The following KCNAB3 variants were observed in gnomAD, a reference collection of about 807,000 sequenced individuals.
KCNAB3 encodes the protein voltage-gated potassium channel subunit beta-3.
In KCNAB3, 62 loss-of-function variants were observed where a neutral mutation model predicts 67.7. That is an observed-to-expected ratio of 0.92 (90% CI 0.75 to 1.13). The LOEUF is 1.13. KCNAB3 is among the 50% of genes most tolerant of loss of function. The probability of loss-of-function intolerance (pLI) is 0.00; values close to 1 mark genes in which losing one functional copy is unlikely to be tolerated. For missense variants in KCNAB3, 514 were observed against 522.9 expected (o/e 0.98, Z 0.17); for synonymous variants, 212 against 205.4 (o/e 1.03, Z -0.27).
At chr17:7,928,053 A>C in intron 1 of KCNAB3, 1 of 606,168 alleles carries the variant, frequency 1.6e-6, no homozygotes, top group Non-Finnish European at 2.9e-6. Context: ...CTCTGGAGCC[A>C]CTGTCCAGAG....
In KCNAB3 at chr17:7,924,040, G is replaced by A. The variant is rs749016898; in HGVS notation, c.855C>T (p.Tyr285=). ...HKIGVGSVTW[Y]PLACGLITSK... is the part of the protein sequence containing the mutation. ...TAGTAATGAGACCACAGGCTAGAGGGTACCAAGTGACTGATCCAACTCCTA... is the reference window on the plus strand; with the variant it reads ...TAGTAATGAGACCACAGGCTAGAGGATACCAAGTGACTGATCCAACTCCTA... Residue 285 remains tyrosine (Y), a synonymous_variant, in exon 11 of 14, where the codon TAC becomes TAT. Transcript: ENST00000303790. The A allele has an allele frequency of 3.1e-6, 5 of 1,614,072 alleles. No homozygotes were observed. The South Asian group carries it at 5.5e-5, about 18-fold the overall frequency.
intron 6 of KCNAB3, 89 bp from the exon 7 acceptor site, chr17:7,925,815 G>T: frequency 6.3e-7 from 1 of 1,592,622 alleles, no homozygotes; most frequent in Non-Finnish European, 8.6e-7. Context: ...GATTGCACGA[G>T]TCTTCACAGG....
intron 1 of KCNAB3, 91 bp from the exon 2 acceptor site, chr17:7,927,917 G>A (rs1972290437): frequency 2.0e-6 from 3 of 1,479,640 alleles, no homozygotes; most frequent in East Asian, 4.5e-5. Context: ...AGACTGAGAA[G>A]CCCTCAGGTG....
At chr17:7,927,227 G>A in intron 4 of KCNAB3, 117 bp downstream of exon 4, 3 of 971,132 alleles carry the variant, frequency 3.1e-6, no homozygotes, top group Non-Finnish European at 4.9e-6. Context: ...CCGCCAAAAG[G>A]TTGGAACTTC....
At position 7,923,107 on chromosome 17, in the gene KCNAB3, T is replaced by A. The variant is rs1220094501; in HGVS notation, c.1210A>T (p.Lys404Ter). The A allele has an allele frequency of 3.7e-6, 6 of 1,613,946 alleles. No homozygotes were observed. In the Admixed American group the frequency reaches 5.0e-5, roughly 13 times the overall value. Residue 404 changes from lysine (K) to a stop codon, truncating the protein, a stop_gained, in exon 14 of 14, where the codon AAG becomes TAG. Transcript: ENST00000303790. LOFTEE classifies it high-confidence loss of function. The part of the protein sequence containing the change: ...GLLGNKPHSK[K>*] Reference sequence around the variant, plus strand: ...GTCCCTGCGCCCGCGACAGACTACTTCTTGGAATGCGGCTTGTTTCCCAGG... The same window carrying A: ...GTCCCTGCGCCCGCGACAGACTACTACTTGGAATGCGGCTTGTTTCCCAGG...
At position 7,924,159 on chromosome 17, in the gene KCNAB3, A is replaced by C. The variant is rs1278198918; in HGVS notation, c.818T>G (p.Leu273Arg). ...REKVEMQLPELYHKIGVGSVT... is the reference protein window; with the variant it reads ...REKVEMQLPERYHKIGVGSVT... ...GGGCTGCAAACCAATCTTGTGGTAG[A>C]GCTCTGGCAGCTGCATCTCCACCTT... Residue 273 changes from leucine to arginine, a missense_variant, in exon 10 of 14, where the codon CTC becomes CGC. Coordinates refer to ENST00000303790, the MANE Select transcript of KCNAB3 (RefSeq NM_004732.4). The C allele has an allele frequency of 6.2e-7, 1 of 1,614,168 alleles. No individual in the cohort carries two copies. Among genetic ancestry groups the C allele is most frequent in the South Asian group, 1.1e-5 (1 of 91,086 alleles).
In KCNAB3 at chr17:7,923,038, CTGCGAGGAGCGGGGCTCGGGCGGG is replaced by C; in HGVS notation, c.*40_*63del. On this transcript the variant is annotated 3_prime_UTR_variant, in exon 14 of 14. Transcript: ENST00000303790. ...GAGGGATCCGGAGCGGGAGAGGCGG[CTGCGAGGAGCGGGGCTCGGGCGGG>C]TGCAGCGACACCGGGTTGGGTCCCT... 6.7e-7 allele frequency: 1 copy of C among 1,494,952 alleles called. No homozygotes were observed. Among genetic ancestry groups the C allele is most frequent in the South Asian group, 1.1e-5 (1 of 88,556 alleles). 92.6% of individuals were successfully genotyped at this position (1,494,952 alleles called of 1,614,324 possible).
chr17:7,927,029 G>A (rs1389332650), intron 4 of KCNAB3: 2 of 333,304 alleles, frequency 6.0e-6, no homozygotes, highest in African/African-American at 4.2e-5. Context: ...GTCATCCTAG[G>A]TTTTCCCTGC....
intron 4 of KCNAB3, 66 bp from the exon 5 acceptor site, chr17:7,926,169 C>T: frequency 6.3e-7 from 1 of 1,576,768 alleles, no homozygotes; most frequent in South Asian, 1.1e-5. Flanking sequence ...CTCTCCTCCC[C>T]ACCTTTTCCT....
intron 4 of KCNAB3, 80 bp downstream of exon 4, chr17:7,927,264 T>C: frequency 7.4e-7 from 1 of 1,344,522 alleles, no homozygotes; most frequent in Non-Finnish European, 1.1e-6. Context: ...CAGGGTTCTT[T>C]AGAGGGAAAA....
chr17:7,925,205 G>T, intron 7 of KCNAB3, 22 bp from the exon 8 acceptor site: 1 of 1,594,914 alleles, frequency 6.3e-7, no homozygotes. Context: ...GTAGGGAGAA[G>T]AAAATAAGCA....
intron 12 of KCNAB3, 50 bp downstream of exon 12, chr17:7,923,661 T>G (rs553698268): frequency 1.3e-6 from 2 of 1,552,204 alleles, no homozygotes; most frequent in African/African-American, 2.7e-5. Flanking sequence ...AGGATGGGCT[T>G]GGGAGCATGT....
chr17:7,929,823 G>T lies in KCNAB3; in HGVS notation c.-388C>A. 7 of 1,012,428 alleles carry T rather than the reference G, an allele frequency of 6.9e-6. No individual in the cohort carries two copies. Among genetic ancestry groups the T allele is most frequent in the South Asian group, 4.0e-5 (1 of 25,142 alleles). 62.7% of individuals were successfully genotyped at this position (1,012,428 alleles called of 1,614,324 possible). On this transcript the variant is annotated 5_prime_UTR_variant, in exon 1 of 14. Transcript: ENST00000303790. This position sits in a 1 kb window ranked among gnomAD's most constrained non-coding sequence, Gnocchi z 5.7. Reference sequence around the variant, plus strand: ...AGCGCGAACCGCTGCGGGACCCGCTGGGCTCCCAGCCGCGTCGGCAGCGGG... The same window carrying T: ...AGCGCGAACCGCTGCGGGACCCGCTTGGCTCCCAGCCGCGTCGGCAGCGGG...
At position 7,924,410 on chromosome 17, in the gene KCNAB3, C is replaced by T. The variant is rs778918865; in HGVS notation, c.711+5G>A. ...GACAGGGGCAAGGTGGGGTCACACA[C>T]TCACCATGATTTCTGCAGCCCCCCA... On this transcript the variant is annotated splice_donor_5th_base_variant and intron_variant, in intron 9 of 13. Transcript: ENST00000303790. 1 of 1,613,258 alleles carries T rather than the reference C, an allele frequency of 6.2e-7. No individual in the cohort carries two copies. The highest frequency in any genetic ancestry group is 2.2e-5 in the East Asian group (1 of 44,880).
rs138210337 is a variant in KCNAB3, at chr17:7,923,338, C to G, written c.1137+118G>C. Reference sequence around the variant, plus strand: ...CGCTTTCCGGCCCTGGGACCTCTCACCTGCAAAGTGAGGACTTTGTAGTGG... The same window carrying G: ...CGCTTTCCGGCCCTGGGACCTCTCAGCTGCAAAGTGAGGACTTTGTAGTGG... On this transcript the variant is annotated intron_variant, in intron 13 of 13. Coordinates refer to ENST00000303790, the MANE Select transcript of KCNAB3 (RefSeq NM_004732.4). 8 of 1,270,634 alleles carry G rather than the reference C, an allele frequency of 6.3e-6. No individual in the cohort carries two copies. In the East Asian group the frequency reaches 2.0e-4, roughly 31 times the overall value. The allele number at this position is 1,270,634 out of a possible 1,614,324, so 78.7% of individuals were successfully genotyped here.
rs1567890382 is a variant in KCNAB3, at chr17:7,923,480, C to T, written c.1113G>A (p.Leu371=). ...VLLGVSSAEQ[L]IEHLGALQVL... ...CCTGTAGCGCGCCCAGGTGTTCTAT[C>T]AACTGCTCCGCACTCGACACCCCCA... The change falls in exon 13 of 14, where the codon TTG becomes TTA. Residue 371 remains leucine (L), a synonymous_variant. Coordinates refer to ENST00000303790, the MANE Select transcript of KCNAB3 (RefSeq NM_004732.4). 1.2e-6 allele frequency: 2 copies of T among 1,612,048 alleles called. No individual in the cohort carries two copies. Among genetic ancestry groups the T allele is most frequent in the African/African-American group, 1.3e-5 (1 of 74,796 alleles).
chr17:7,923,712 A>C lies in KCNAB3; in HGVS notation c.1047T>G (p.Ile349Met). ...CCCCTGCAGGGTGCAATGTCTCACC[A>C]ATAGCAAGCTGGGCCACGGTGCAGC... Reference protein sequence around the residue: ...QLGCTVAQLAIAWCLRSEGVS... With the variant: ...QLGCTVAQLAMAWCLRSEGVS... The change falls in exon 12 of 14, where the codon ATT becomes ATG. Residue 349 changes from isoleucine (I) to methionine (M), a missense_variant and splice_region_variant. Physicochemically the swap from Ile to Met is conservative, Grantham distance 10. Coordinates refer to ENST00000303790, the MANE Select transcript of KCNAB3 (RefSeq NM_004732.4). 1 of 1,559,406 alleles carries C rather than the reference A, an allele frequency of 6.4e-7. No homozygotes were observed. Among genetic ancestry groups the C allele is most frequent in the Non-Finnish European group, 8.7e-7 (1 of 1,151,104 alleles).
chr17:7,924,561 T>C (rs1972163617), intron 8 of KCNAB3, 61 bp from the exon 9 acceptor site: 2 of 1,533,684 alleles, frequency 1.3e-6, no homozygotes, highest in Non-Finnish European at 1.8e-6. Context: ...GACTCCAGAT[T>C]TGCAGACCTC....
chr17:7,927,564 G>A (rs1367844199), intron 3 of KCNAB3, 93 bp downstream of exon 3: 3 of 1,548,252 alleles, frequency 1.9e-6, no homozygotes, highest in African/African-American at 1.4e-5. Flanking sequence ...CTCATTCCCT[G>A]TGCTTGTTGT....
Sources: allele counts gnomAD v4.1 joint callset, GRCh38; gene constraint gnomAD v4.1.1; non-coding constraint Gnocchi (gnomAD v3.1); transcripts MANE v1.5; gene names NCBI Gene and HGNC (gene_info 2026-07-23, HGNC 2026-07-21).